PCDHA5: variants seen among roughly 807,000 people sequenced by gnomAD.
PCDHA5 encodes the protein protocadherin alpha-5.
PCDHA5 carries 43 observed loss-of-function variants against 61.6 expected under a neutral mutation model. The ratio of observed to expected loss-of-function variants is 0.70; its 90% CI spans 0.55 to 0.90. PCDHA5 has a LOEUF of 0.90. PCDHA5 is among the 40% of genes least tolerant of loss of function. PCDHA5 has a pLI of 0.00. For missense variants in PCDHA5, 1,298 were observed against 1,222.7 expected, an observed-to-expected ratio of 1.06 and a Z score of -0.92; for synonymous variants, 627 against 543.9, an observed-to-expected ratio of 1.15 and a Z score of -2.13.
intron 1 of PCDHA5, among the ~76,000 whole-genome samples, chr5:140,894,629 T>C (rs1406335031): frequency 6.6e-6 from 1 of 152,036 alleles, no homozygotes; most frequent in African/African-American, 2.4e-5. Flanking sequence ...TCTTCTCCAA[T>C]CATATCATTA....
At chr5:140,959,281 G>T (rs1395135880) in intron 1 of PCDHA5, among the ~76,000 whole-genome samples, 2 of 152,044 alleles carry the variant, frequency 1.3e-5, no homozygotes, top group Admixed American at 1.3e-4. Context: ...GGAGCCTGAG[G>T]TGGGAGCATC....
At chr5:140,863,300 C>G (rs1554158081) in intron 1 of PCDHA5, 16 of 1,463,970 alleles carry the variant, frequency 1.1e-5, no homozygotes, top group Non-Finnish European at 1.5e-5. Context: ...CTGATCATCG[C>G]CATCTGCGTG....
chr5:140,954,116 G>A (rs1190456994), intron 1 of PCDHA5, among the ~76,000 whole-genome samples: 2 of 152,118 alleles, frequency 1.3e-5, no homozygotes, highest in East Asian at 3.9e-4. Context: ...ACAAGATCTT[G>A]TTCCTTTTTA....
At position 140,835,282 on chromosome 5, in the gene PCDHA5, G is replaced by A. The variant is rs2150233282; in HGVS notation, c.2352+11155G>A. On this transcript the variant is annotated intron_variant, in intron 1 of 3. Transcript: ENST00000529859. Reference sequence around the variant, plus strand: ...AAGTTCCACATGGACCCCTTAAGTGGGGCAATCACAGTGATAGGACATATG... The same window carrying A: ...AAGTTCCACATGGACCCCTTAAGTGAGGCAATCACAGTGATAGGACATATG... 4 of 1,611,622 alleles carry A rather than the reference G, an allele frequency of 2.5e-6. No individual in the cohort carries two copies. In the South Asian group the frequency reaches 3.3e-5, roughly 13 times the overall value.
chr5:140,834,414 G>T, intron 1 of PCDHA5: 1 of 1,611,396 alleles, frequency 6.2e-7, no homozygotes. Flanking sequence ...CGACCCAGGG[G>T]GCCGACATCT....
chr5:140,903,688 A>G (rs1392078626), intron 1 of PCDHA5, among the ~76,000 whole-genome samples: 13 of 152,242 alleles, frequency 8.5e-5, no homozygotes, highest in Admixed American at 7.9e-4. Flanking sequence ...TTTGGTAAAT[A>G]GTTTAAAATA....
chr5:140,886,565 C>T (rs1298575680), intron 1 of PCDHA5, among the ~76,000 whole-genome samples: 1 of 152,100 alleles, frequency 6.6e-6, no homozygotes, highest in Admixed American at 6.5e-5. Flanking sequence ...CGGTGGCTCA[C>T]GCCTGTAATC....
chr5:140,862,813 T>C lies in PCDHA5; in HGVS notation c.2352+38686T>C. 2 of 571,594 alleles carry C rather than the reference T, an allele frequency of 3.5e-6. 1 individual carries two copies. Among genetic ancestry groups the C allele is most frequent in the Non-Finnish European group, 6.7e-6 (2 of 297,160 alleles). The allele number at this position is 571,594 out of a possible 1,614,324, so 35.4% of individuals were successfully genotyped here. On this transcript the variant is annotated intron_variant, in intron 1 of 3. Coordinates refer to ENST00000529859, the MANE Select transcript of PCDHA5 (RefSeq NM_018908.3). ...CGAGGAGCTGGAGCTGCTGCAGTTC[T>C]AGGTGAGAGCGCGCGACGCGGGCAT... is the stretch of plus-strand genomic sequence containing the variant.
chr5:140,856,728 T>A (rs782022822), intron 1 of PCDHA5: 1 of 1,595,848 alleles, frequency 6.3e-7, no homozygotes, highest in Middle Eastern at 1.7e-4. Flanking sequence ...TCTGTTTCTC[T>A]GCTGATCCTG....
At chr5:140,877,789 A>G (rs2057339151) in intron 1 of PCDHA5, 1 of 1,613,954 alleles carries the variant, frequency 6.2e-7, no homozygotes, top group Non-Finnish European at 8.5e-7. Context: ...CATGGCCTTC[A>G]GCCCAAGCCT....
intron 1 of PCDHA5, among the ~76,000 whole-genome samples, chr5:140,873,657 C>A (rs1270824058): frequency 6.6e-6 from 1 of 152,090 alleles, no homozygotes; most frequent in Non-Finnish European, 1.5e-5. Context: ...ACATAACACA[C>A]TATTATTATT....
chr5:140,822,342 C>T lies in PCDHA5; in HGVS notation c.567C>T (p.Asn189=), dbSNP rs1767281192. ...LDVKTNEEET[N]FLELVLRKSL... ...TTAAAACAAATGAAGAAGAAACGAA[C>T]TTTTTAGAGCTGGTTTTGAGGAAAT... The change falls in exon 1 of 4, where the codon AAC becomes AAT. Residue 189 remains asparagine (N), a synonymous_variant. Transcript: ENST00000529859. The T allele has an allele frequency of 6.2e-7, 1 of 1,613,952 alleles. No homozygotes were observed. The highest frequency in any genetic ancestry group is 1.7e-5 in the Admixed American group (1 of 60,008).
rs144585858 is a variant in PCDHA5 at position 140,984,129 on chromosome 5, G to A, written c.2500+1566G>A. On this transcript the variant is annotated intron_variant, in intron 3 of 3. Transcript: ENST00000529859. The stretch of plus-strand genomic sequence containing the variant: ...GGTTTTAGACTGCCAAGTGTTGCAG[G>A]ATGTGGAGGCATCTGGGAAGGTGAG... 1.3e-3 allele frequency among the ~76,000 whole-genome samples: 205 copies of A among 152,236 alleles called. 1 individual carries two copies. Among genetic ancestry groups the A allele is most frequent in the Non-Finnish European group, 2.6e-3 (175 of 68,046 alleles).
intron 1 of PCDHA5, chr5:140,863,626 A>G (rs2048099492): frequency 3.1e-6 from 1 of 320,146 alleles, no homozygotes; most frequent in African/African-American, 2.2e-5. Context: ...AGTGACATTG[A>G]TAATGTTCAC....
intron 1 of PCDHA5, chr5:140,926,987 G>T: frequency 6.2e-7 from 1 of 1,610,996 alleles, no homozygotes; most frequent in African/African-American, 1.3e-5. Context: ...GAGACGGAGC[G>T]GGGCGTAGCC....
intron 1 of PCDHA5, chr5:140,824,610 G>GGTTTTTTTTT (rs1768189767): frequency 1.1e-5 from 1 of 95,104 alleles, no homozygotes; most frequent in African/African-American, 4.9e-5. Context: ...GCTAATTAAA[G>GGTTTTTTTTT]TTTTTTTTTT....
At chr5:140,968,044 A>C (rs959631573) in intron 1 of PCDHA5, 2 of 1,614,142 alleles carry the variant, frequency 1.2e-6, no homozygotes, top group Non-Finnish European at 1.7e-6. Context: ...TGAGCGGCCC[A>C]CTGGACCGAG....
At chr5:140,884,143 G>C (rs782116778) in intron 1 of PCDHA5, 1 of 1,613,438 alleles carries the variant, frequency 6.2e-7, no homozygotes. Context: ...TCCGCGTGGG[G>C]CTGTACACTG....
At chr5:140,965,128 A>G (rs2095876420) in intron 1 of PCDHA5, among the ~76,000 whole-genome samples, 1 of 152,244 alleles carries the variant, frequency 6.6e-6, no homozygotes, top group African/African-American at 2.4e-5. Flanking sequence ...AGATCTACAG[A>G]TGACAGAATA....
Sources: allele counts gnomAD v4.1 joint callset (sites outside exome capture counted in the v4.1 genomes callset), GRCh38; gene constraint gnomAD v4.1.1; transcripts MANE v1.5; gene names NCBI Gene and HGNC (gene_info 2026-07-23, HGNC 2026-07-21).